The following MED27 variants were observed in gnomAD, a reference collection of about 807,000 sequenced individuals.
MED27 encodes mediator complex subunit 27.
Under a neutral mutation model 38.2 loss-of-function variants are expected in MED27, and 30 were observed. That is an observed-to-expected ratio of 0.79 (90% CI 0.59 to 1.07). The LOEUF (loss-of-function observed/expected upper bound fraction) is 1.07, where lower values mean the gene tolerates loss of function less well. Ranked by LOEUF, MED27 falls within the 50% of genes least tolerant of loss-of-function variation. The probability of loss-of-function intolerance (pLI) is 0.00; values close to 1 mark genes in which losing one functional copy is unlikely to be tolerated. For missense variants in MED27, 289 were observed against 397.5 expected, an observed-to-expected ratio of 0.73 and a Z score of 2.32; for synonymous variants, 122 against 153.5, an observed-to-expected ratio of 0.79 and a Z score of 1.52.
intron 3 of MED27, among the ~76,000 whole-genome samples, chr9:131,966,163 G>A: frequency 8.0e-6 from 1 of 124,482 alleles, no homozygotes; most frequent in Admixed American, 9.0e-5. Context: ...AGGCATTCGA[G>A]ATCAGTCTGG....
intron 2 of MED27, among the ~76,000 whole-genome samples, chr9:132,045,327 T>G (rs1019532011): frequency 2.6e-5 from 4 of 152,050 alleles, no homozygotes; most frequent in African/African-American, 9.7e-5. Flanking sequence ...TAATAGAATG[T>G]TGTATGTATG....
intron 3 of MED27, among the ~76,000 whole-genome samples, chr9:131,962,741 G>A (rs1200470934): frequency 1.3e-5 from 2 of 152,078 alleles, no homozygotes; most frequent in East Asian, 3.8e-4. Flanking sequence ...ACTCCATCCC[G>A]GCTGGGTGCT....
chr9:132,002,680 G>A (rs1481075559), intron 3 of MED27, among the ~76,000 whole-genome samples: 2 of 152,168 alleles, frequency 1.3e-5, no homozygotes, highest in Non-Finnish European at 2.9e-5. Context: ...GGGAGGCTGA[G>A]GCAAGCGGAT....
At chr9:131,878,823 C>T (rs1589178482) in intron 6 of MED27, among the ~76,000 whole-genome samples, 3 of 151,544 alleles carry the variant, frequency 2.0e-5, no homozygotes, top group Admixed American at 2.0e-4. Flanking sequence ...AGATGGTCAC[C>T]CGCCCCCACC....
At chr9:131,975,781 G>A (rs1186958485) in intron 3 of MED27, among the ~76,000 whole-genome samples, 1 of 152,190 alleles carries the variant, frequency 6.6e-6, no homozygotes, top group Non-Finnish European at 1.5e-5. Context: ...CAAAGAACAG[G>A]AACCCACTAA....
intron 5 of MED27, among the ~76,000 whole-genome samples, chr9:131,885,742 AGT>A (rs1839128733): frequency 6.6e-6 from 1 of 152,230 alleles, no homozygotes; most frequent in Non-Finnish European, 1.5e-5. Context: ...CTGTTTCAAG[AGT>A]TTAGAACAAA....
rs373981117 is a variant in MED27, at chr9:131,908,019, C to A, written c.574-14027G>T. ...CTGAGAAGTGAGGAGCCCCTCCGCC[C>A]GGCAGCCGCCCCGTCTGAGAAGTGA... On this transcript the variant is annotated intron_variant, in intron 4 of 7. Transcript: ENST00000292035. 5.6e-3 allele frequency among the ~76,000 whole-genome samples: 843 copies of A among 150,982 alleles called. 4 individuals are homozygous for A. The highest frequency in any genetic ancestry group is 0.019 in the African/African-American group (792 of 41,056).
At chr9:131,963,980 T>C (rs1310187949) in intron 3 of MED27, among the ~76,000 whole-genome samples, 1 of 152,044 alleles carries the variant, frequency 6.6e-6, no homozygotes, top group Admixed American at 6.6e-5. Flanking sequence ...AAAAAATGAA[T>C]AGTGAATAAG....
At chr9:131,980,908 T>A (rs7042967) in intron 3 of MED27, among the ~76,000 whole-genome samples, 133,323 of 152,228 alleles carry the variant, frequency 0.88, 58,490 homozygotes, top group East Asian at 1. Context: ...AATGGAGCAG[T>A]TTAGGAAATA....
chr9:131,966,194 T>G, intron 3 of MED27, among the ~76,000 whole-genome samples: 1 of 117,358 alleles, frequency 8.5e-6, no homozygotes, highest in Non-Finnish European at 1.8e-5. Context: ...GAGAGCCTGT[T>G]TCTTTAAAAA....
chr9:131,978,246 T>C (rs1831651799), intron 3 of MED27, among the ~76,000 whole-genome samples: 1 of 152,018 alleles, frequency 6.6e-6, no homozygotes, highest in Non-Finnish European at 1.5e-5. Context: ...GCGACAAAAT[T>C]TCAGGGGGAA....
chr9:132,076,547 A>C (rs1033028768), intron 2 of MED27, among the ~76,000 whole-genome samples: 2 of 152,156 alleles, frequency 1.3e-5, no homozygotes, highest in Non-Finnish European at 2.9e-5. Flanking sequence ...GGGAAAAAAA[A>C]CCACAGAAAC....
chr9:132,052,369 T>C (rs1402614625), intron 2 of MED27, among the ~76,000 whole-genome samples: 1 of 152,174 alleles, frequency 6.6e-6, no homozygotes, highest in Non-Finnish European at 1.5e-5. Flanking sequence ...AGTTATACAA[T>C]ATATAGGTTT....
At chr9:132,038,976 C>T (rs1204177017) in intron 2 of MED27, among the ~76,000 whole-genome samples, 1 of 152,184 alleles carries the variant, frequency 6.6e-6, no homozygotes, top group Non-Finnish European at 1.5e-5. Flanking sequence ...CCAGCCAGTC[C>T]ATGGCAGGGC....
intron 6 of MED27, among the ~76,000 whole-genome samples, chr9:131,881,116 G>C (rs781190383): frequency 3.9e-4 from 60 of 152,134 alleles, no homozygotes; most frequent in Admixed American, 7.9e-4. Context: ...AGATTGAGGG[G>C]AAAAGCTGAC....
At chr9:132,058,791 T>C (rs935950965) in intron 2 of MED27, among the ~76,000 whole-genome samples, 1 of 152,262 alleles carries the variant, frequency 6.6e-6, no homozygotes, top group African/African-American at 2.4e-5. Flanking sequence ...CTAAGGGTTT[T>C]ATAACCAGCC....
chr9:132,007,444 G>A (rs1832383468), intron 3 of MED27, among the ~76,000 whole-genome samples: 2 of 152,120 alleles, frequency 1.3e-5, no homozygotes, highest in African/African-American at 4.8e-5. Flanking sequence ...GAAATCAGAA[G>A]GAAAATATTA....
chr9:132,066,218 C>A (rs918246502), intron 2 of MED27, among the ~76,000 whole-genome samples: 2 of 152,242 alleles, frequency 1.3e-5, no homozygotes, highest in Non-Finnish European at 1.5e-5. Flanking sequence ...CTGAGCTAAG[C>A]TCTGCTTGGT....
chr9:131,968,904 G>C (rs1265482896), intron 3 of MED27, among the ~76,000 whole-genome samples: 1 of 152,158 alleles, frequency 6.6e-6, no homozygotes, highest in Non-Finnish European at 1.5e-5. Context: ...TCTCACAGGA[G>C]TGTGAACCTG....
Sources: gnomAD v4.1 joint callset for allele counts (sites outside exome capture counted in the v4.1 genomes callset) on GRCh38, gnomAD v4.1.1 for gene constraint, MANE v1.5 for transcripts, NCBI Gene and HGNC (gene_info 2026-07-23, HGNC 2026-07-21) for gene names.